Variants in IL31 observed in about 807,000 individuals in gnomAD.
IL31 encodes interleukin 31.
In IL31, 8 loss-of-function variants were observed where a neutral mutation model predicts 7.8. That is an observed-to-expected ratio of 1.02 (90% CI 0.60 to 1.84). The LOEUF (loss-of-function observed/expected upper bound fraction) is 1.84. Ranked by LOEUF, IL31 falls within the 40% of genes most tolerant of loss-of-function variation. The pLI is 0.00. For missense variants in IL31, 162 were observed against 205.6 expected (o/e 0.79, Z 1.30); for synonymous variants, 87 against 86.5 (o/e 1.01, Z -0.03).
rs369999172 is a variant in IL31 at position 122,174,176 on chromosome 12, G to A, written c.-4C>T. ...TGATACCTGAGTGAGAGGCCATGGC[G>A]AGAGAGAGCAAGGCCAGCTTCAGTG... On this transcript the variant is annotated 5_prime_UTR_variant, in exon 1 of 3. Coordinates refer to ENST00000377035, the MANE Select transcript of IL31 (RefSeq NM_001014336.2). The A allele has an allele frequency of 6.8e-5, 109 of 1,614,012 alleles. No individual in the cohort carries two copies. Among genetic ancestry groups the A allele is most frequent in the Non-Finnish European group, 9.2e-5 (109 of 1,180,040 alleles).
At position 122,174,182 on chromosome 12, in the gene IL31, G is replaced by A. The variant is rs763357357; in HGVS notation, c.-10C>T. The A allele has an allele frequency of 4.3e-6, 7 of 1,614,146 alleles. No homozygotes were observed. The Admixed American group carries it at 1.0e-4, about 23-fold the overall frequency. The stretch of plus-strand genomic sequence containing the variant: ...CTGAGTGAGAGGCCATGGCGAGAGA[G>A]AGCAAGGCCAGCTTCAGTGGGGGCT... On this transcript the variant is annotated 5_prime_UTR_variant, in exon 1 of 3. Coordinates refer to ENST00000377035, the MANE Select transcript of IL31 (RefSeq NM_001014336.2).
intron 2 of IL31, 59 bp downstream of exon 2, chr12:122,173,784 GA>G: frequency 6.8e-7 from 1 of 1,476,832 alleles, no homozygotes; most frequent in Non-Finnish European, 9.4e-7. Flanking sequence ...AGCCTCTTTG[GA>G]GGGCAATGGA....
At chr12:122,174,018 G>A (rs1174518500) in intron 1 of IL31, 26 bp from the exon 2 acceptor site, 12 of 1,613,336 alleles carry the variant, frequency 7.4e-6, no homozygotes, top group African/African-American at 4.0e-5. Context: ...TGCCGTGAGC[G>A]CATACATCAC....
rs572138294 is a variant in IL31, at chr12:122,172,167, G to A, written c.*245C>T. 2 of 436,708 alleles carry A rather than the reference G, an allele frequency of 4.6e-6. No homozygotes were observed. The highest frequency in any genetic ancestry group is 4.0e-5 in the Admixed American group (1 of 24,846). The allele number at this position is 436,708 out of a possible 1,614,324, so 27.1% of individuals were successfully genotyped here. Reference sequence around the variant, plus strand: ...ACCCTCACGAGGGTATAATAAGTAAGACTTAAGCCTGCAGAAGAAAAGCAT... The same window carrying A: ...ACCCTCACGAGGGTATAATAAGTAAAACTTAAGCCTGCAGAAGAAAAGCAT... On this transcript the variant is annotated 3_prime_UTR_variant, in exon 3 of 3. Transcript: ENST00000377035.
Position 122,172,516 on chromosome 12 carries a change from G to A in IL31, c.391C>T (p.His131Tyr), listed in dbSNP as rs1953495101. ...ETNISVPTDT[H>Y]ECKRFILTIS... is the part of the protein sequence containing the mutation. ...GTCAGGATGAAGCGTTTACATTCAT[G>A]GGTGTCTGTTGGCACAGAAATGTTT... Residue 131 changes from histidine (H) to tyrosine (Y), a missense_variant, in exon 3 of 3, where the codon CAT (histidine) becomes TAT (tyrosine). Physicochemically the swap from His to Tyr is moderately conservative, Grantham distance 83 (BLOSUM62 2). Coordinates refer to ENST00000377035, the MANE Select transcript of IL31 (RefSeq NM_001014336.2). The A allele has an allele frequency of 3.1e-6, 5 of 1,613,812 alleles. No homozygotes were observed. Among genetic ancestry groups the A allele is most frequent in the Non-Finnish European group, 4.2e-6 (5 of 1,179,666 alleles).
intron 2 of IL31, among the ~76,000 whole-genome samples, chr12:122,173,235 G>A (rs1010554056): frequency 6.6e-6 from 1 of 152,104 alleles, no homozygotes. Context: ...ATTGCCAGCA[G>A]CACCTCATCA....
At position 122,172,407 on chromosome 12, in the gene IL31, T is replaced by C. The variant is rs1349881586; in HGVS notation, c.*5A>G. The C allele has an allele frequency of 1.2e-6, 2 of 1,600,768 alleles. No homozygotes were observed. Among genetic ancestry groups the C allele is most frequent in the Middle Eastern group, 3.3e-4 (2 of 6,008 alleles). ...TTCCTGCCAATCCGAAAGGAAGAGA[T>C]GGCCTTAAGTGGTGGCCTGTTGGGC... On this transcript the variant is annotated 3_prime_UTR_variant, in exon 3 of 3. Coordinates refer to ENST00000377035, the MANE Select transcript of IL31 (RefSeq NM_001014336.2).
intron 2 of IL31, 95 bp from the exon 3 acceptor site, chr12:122,172,836 C>T (rs7977932): frequency 1.1e-6 from 1 of 944,536 alleles, no homozygotes; most frequent in Non-Finnish European, 1.6e-6. Context: ...TAACCCGCCT[C>T]GTTGATATAT....
chr12:122,172,357 G>T lies in IL31; in HGVS notation c.*55C>A. 7.9e-7 allele frequency: 1 copy of T among 1,266,070 alleles called. No individual in the cohort carries two copies. Among genetic ancestry groups the T allele is most frequent in the Non-Finnish European group, 1.1e-6 (1 of 891,666 alleles). The allele number at this position is 1,266,070 out of a possible 1,614,324, so 78.4% of individuals were successfully genotyped here. The stretch of plus-strand genomic sequence containing the variant: ...GGCAGAGTTCCCACACTTAGCTGTC[G>T]GTCATCTTTTTAAGGCTCCTTAAGT... On this transcript the variant is annotated 3_prime_UTR_variant, in exon 3 of 3. Coordinates refer to ENST00000377035, the MANE Select transcript of IL31 (RefSeq NM_001014336.2).
At position 122,172,394 on chromosome 12, in the gene IL31, C is replaced by G. The variant is rs367875779; in HGVS notation, c.*18G>C. On this transcript the variant is annotated 3_prime_UTR_variant, in exon 3 of 3. Coordinates refer to ENST00000377035, the MANE Select transcript of IL31 (RefSeq NM_001014336.2). ...AAGGCTCCTTAAGTTCCTGCCAATC[C>G]GAAAGGAAGAGATGGCCTTAAGTGG... 1 of 1,580,948 alleles carries G rather than the reference C, an allele frequency of 6.3e-7. No individual in the cohort carries two copies. The highest frequency in any genetic ancestry group is 8.6e-7 in the Non-Finnish European group (1 of 1,156,658).
chr12:122,172,600 C>G lies in IL31; in HGVS notation c.307G>C (p.Val103Leu). The part of the protein sequence containing the change: ...KTIRQLDNKS[V>L]IDEIIEHLDK... ...AGGTGCTCTATGATCTCATCAATAA[C>G]AGATTTGTTGTCTAGCTGTCTGATT... The change falls in exon 3 of 3, where the codon GTT becomes CTT. Residue 103 changes from valine (V) to leucine (L), a missense_variant. Coordinates refer to ENST00000377035, the MANE Select transcript of IL31 (RefSeq NM_001014336.2). The G allele has an allele frequency of 3.7e-6, 6 of 1,614,006 alleles. No homozygotes were observed. In the East Asian group the frequency reaches 8.9e-5, roughly 24 times the overall value.
In IL31 at chr12:122,172,731, T is replaced by C. The variant is rs1953498317; in HGVS notation, c.176A>G (p.Glu59Gly). 1.2e-6 allele frequency: 2 copies of C among 1,608,786 alleles called. No homozygotes were observed. Among genetic ancestry groups the C allele is most frequent in the African/African-American group, 2.7e-5 (2 of 74,818 alleles). ...SKMLLKDVEEEKGVLVSQNYT... is the reference protein window; with the variant it reads ...SKMLLKDVEEGKGVLVSQNYT... ...ATTCTGGGACACGAGCACGCCCTTC[T>C]CTTCCTCCACCTGTGGAATGAGGAG... Residue 59 changes from glutamate to glycine, a missense_variant, in exon 3 of 3, where the codon GAG becomes GGG. Glu to Gly is a moderately conservative substitution (Grantham distance 98). Coordinates refer to ENST00000377035, the MANE Select transcript of IL31 (RefSeq NM_001014336.2).
chr12:122,173,759 A>G, intron 2 of IL31, 85 bp downstream of exon 2: 1 of 1,192,780 alleles, frequency 8.4e-7, no homozygotes, highest in Non-Finnish European at 1.2e-6. Context: ...CCCTGGTTTC[A>G]GGTCCGGAGA....
rs759304882 is a variant in IL31, at chr12:122,172,700, C to T, written c.207G>A (p.Thr69=). Residue 69 remains threonine, a synonymous_variant, in exon 3 of 3, where the codon ACG becomes ACA. Transcript: ENST00000377035. ...GGGCGTCAGGGCTGAGACACGGCAG[C>T]GTGTAATTCTGGGACACGAGCACGC... ...EKGVLVSQNY[T]LPCLSPDAQP... The T allele has an allele frequency of 1.1e-5, 17 of 1,613,712 alleles. No homozygotes were observed. The highest frequency in any genetic ancestry group is 2.2e-5 in the East Asian group (1 of 44,888).
In IL31 at chr12:122,172,191, A is replaced by T. The variant is rs1280808565; in HGVS notation, c.*221T>A. ...AGACTTAAGCCTGCAGAAGAAAAGCATTCCATAAATACCAAGACTAATAAC... is the reference window on the plus strand; with the variant it reads ...AGACTTAAGCCTGCAGAAGAAAAGCTTTCCATAAATACCAAGACTAATAAC... On this transcript the variant is annotated 3_prime_UTR_variant, in exon 3 of 3. Coordinates refer to ENST00000377035, the MANE Select transcript of IL31 (RefSeq NM_001014336.2). 4 of 492,306 alleles carry T rather than the reference A, an allele frequency of 8.1e-6. No homozygotes were observed. Among genetic ancestry groups the T allele is most frequent in the Non-Finnish European group, 1.5e-5 (4 of 275,564 alleles). The allele number at this position is 492,306 out of a possible 1,614,324, so 30.5% of individuals were successfully genotyped here. A position where few individuals can be genotyped will look rare whatever the true frequency, so the allele number is the denominator to read the frequency against.
Position 122,173,733 on chromosome 12 carries a change from C to T in IL31, c.165+111G>A, listed in dbSNP as rs1018619409. Reference sequence around the variant, plus strand: ...GCCTGTCTAGTTTCCCCCATCCCTTCCTGGCATAGCTACAGCCCTGGTTTC... The same window carrying T: ...GCCTGTCTAGTTTCCCCCATCCCTTTCTGGCATAGCTACAGCCCTGGTTTC... On this transcript the variant is annotated intron_variant, in intron 2 of 2. Transcript: ENST00000377035. 5.4e-6 allele frequency: 5 copies of T among 922,030 alleles called. No homozygotes were observed. The African/African-American group carries it at 6.7e-5, about 12-fold the overall frequency. The allele number at this position is 922,030 out of a possible 1,614,324, so 57.1% of individuals were successfully genotyped here.
Position 122,172,562 on chromosome 12 carries a change from T to C in IL31, c.345A>G (p.Ile115Met). 6.2e-7 allele frequency: 1 copy of C among 1,614,204 alleles called. No homozygotes were observed. Among genetic ancestry groups the C allele is most frequent in the South Asian group, 1.1e-5 (1 of 91,084 alleles). Reference sequence around the variant, plus strand: ...TGTTTGTTTCTGGTGCATCTTGAAATATGAGTTTGTCGAGGTGCTCTATGA... The same window carrying C: ...TGTTTGTTTCTGGTGCATCTTGAAACATGAGTTTGTCGAGGTGCTCTATGA... ...DEIIEHLDKL[I>M]FQDAPETNIS... is the part of the protein sequence containing the mutation. The change falls in exon 3 of 3, where the codon ATA (isoleucine) becomes ATG (methionine). Residue 115 changes from isoleucine to methionine, a missense_variant. Ile to Met is a conservative substitution (Grantham distance 10, BLOSUM62 1). Coordinates refer to ENST00000377035, the MANE Select transcript of IL31 (RefSeq NM_001014336.2).
chr12:122,172,354 G>T lies in IL31; in HGVS notation c.*58C>A. On this transcript the variant is annotated 3_prime_UTR_variant, in exon 3 of 3. Coordinates refer to ENST00000377035, the MANE Select transcript of IL31 (RefSeq NM_001014336.2). ...CACGGCAGAGTTCCCACACTTAGCT[G>T]TCGGTCATCTTTTTAAGGCTCCTTA... 2 of 1,237,746 alleles carry T rather than the reference G, an allele frequency of 1.6e-6. No individual in the cohort carries two copies. Among genetic ancestry groups the T allele is most frequent in the Non-Finnish European group, 2.3e-6 (2 of 866,670 alleles). 76.7% of individuals were successfully genotyped at this position (1,237,746 alleles called of 1,614,324 possible).
Position 122,174,009 on chromosome 12 carries a change from G to A in IL31, c.17-17C>T, listed in dbSNP as rs1183124501. On this transcript the variant is annotated splice_polypyrimidine_tract_variant and intron_variant, in intron 1 of 2. Coordinates refer to ENST00000377035, the MANE Select transcript of IL31 (RefSeq NM_001014336.2). ...TCGAGGGGCCTGGAGAGAGAACGAT[G>A]CCGTGAGCGCATACATCACACACCC... The A allele has an allele frequency of 2.5e-6, 4 of 1,613,700 alleles. No individual in the cohort carries two copies. Among genetic ancestry groups the A allele is most frequent in the African/African-American group, 2.7e-5 (2 of 74,888 alleles).
Sources: allele counts gnomAD v4.1 joint callset (sites outside exome capture counted in the v4.1 genomes callset), GRCh38; gene constraint gnomAD v4.1.1; transcripts MANE v1.5; gene names NCBI Gene and HGNC (gene_info 2026-07-23, HGNC 2026-07-21).